ADAMTSL1: variants seen among roughly 807,000 people sequenced by gnomAD.
The protein encoded by ADAMTSL1 is ADAMTS-like protein 1.
Under a neutral mutation model 201.8 loss-of-function variants are expected in ADAMTSL1, and 126 were observed. The observed-to-expected ratio is 0.62, with a 90% CI of 0.54 to 0.72. The LOEUF (loss-of-function observed/expected upper bound fraction) is 0.72, where lower values mean the gene tolerates loss of function less well. Ranked by LOEUF, ADAMTSL1 falls within the 30% of genes least tolerant of loss-of-function variation. The pLI, the probability that ADAMTSL1 is intolerant of heterozygous loss-of-function variation, is 0.00. For missense variants in ADAMTSL1, 2,679 were observed against 2,277.8 expected (o/e 1.18, Z -3.59); for synonymous variants, 1,121 against 903.4 (o/e 1.24, Z -4.32).
intron 2 of ADAMTSL1, among the ~76,000 whole-genome samples, chr9:18,184,794 TA>T (rs1248212542): frequency 6.6e-6 from 1 of 152,222 alleles, no homozygotes; most frequent in African/African-American, 2.4e-5. Flanking sequence ...ATTTCATCCG[TA>T]TATCTAAAAA....
chr9:17,970,439 C>T (rs1245528036), intron 1 of ADAMTSL1, among the ~76,000 whole-genome samples: 2 of 151,980 alleles, frequency 1.3e-5, no homozygotes, highest in Non-Finnish European at 2.9e-5. Context: ...GAAATAGAAG[C>T]ACTTGGGTGT....
At chr9:17,945,705 C>A (rs1176437551) in intron 1 of ADAMTSL1, among the ~76,000 whole-genome samples, 1 of 151,658 alleles carries the variant, frequency 6.6e-6, no homozygotes, top group Admixed American at 6.6e-5. Context: ...TCTCAGTAAA[C>A]TATCGCAAGA....
In ADAMTSL1 at chr9:18,046,723, C is replaced by T. The variant is rs1821676050; in HGVS notation, c.88-117139C>T. On this transcript the variant is annotated intron_variant, in intron 1 of 29. Coordinates refer to the ADAMTSL1 transcript ENST00000680146. ...ACCATTTATTGAATTCTACCTGCTT[C>T]ATTACATTTTATCCTATGTAATCTT... 1.3e-5 allele frequency among the ~76,000 whole-genome samples: 2 copies of T among 152,140 alleles called. 1 individual carries two copies. Among genetic ancestry groups the T allele is most frequent in the African/African-American group, 4.8e-5 (2 of 41,434 alleles).
At chr9:17,992,645 G>A (rs1037559943) in intron 1 of ADAMTSL1, among the ~76,000 whole-genome samples, 2 of 152,084 alleles carry the variant, frequency 1.3e-5, no homozygotes, top group East Asian at 1.9e-4. Context: ...TAAAAGATTA[G>A]CCCTGTGTGG....
At chr9:18,126,422 G>T (rs1825730948) in intron 1 of ADAMTSL1, among the ~76,000 whole-genome samples, 1 of 151,948 alleles carries the variant, frequency 6.6e-6, no homozygotes, top group South Asian at 2.1e-4. Flanking sequence ...TCTATTTAGG[G>T]TCCAATACCT....
intron 6 of ADAMTSL1, among the ~76,000 whole-genome samples, chr9:18,636,539 A>T (rs1361963244): frequency 6.6e-6 from 1 of 152,204 alleles, no homozygotes; most frequent in Non-Finnish European, 1.5e-5. Context: ...AAGAAAATTC[A>T]GGGACCTCAT....
chr9:17,964,273 G>A (rs1173539419), intron 1 of ADAMTSL1, among the ~76,000 whole-genome samples: 1 of 152,084 alleles, frequency 6.6e-6, no homozygotes, highest in Admixed American at 6.6e-5. Flanking sequence ...TGTCATTCCT[G>A]TGTCGTCCTT....
At chr9:18,809,592 C>G (rs1375622383) in intron 20 of ADAMTSL1, among the ~76,000 whole-genome samples, 1 of 152,094 alleles carries the variant, frequency 6.6e-6, no homozygotes, top group Non-Finnish European at 1.5e-5. Flanking sequence ...GAGTTCGAGA[C>G]CAGCCTGACC....
chr9:18,726,624 G>T (rs888861786), intron 15 of ADAMTSL1, among the ~76,000 whole-genome samples: 2 of 152,240 alleles, frequency 1.3e-5, no homozygotes, highest in African/African-American at 4.8e-5. Flanking sequence ...GTGTATGACT[G>T]TTATTAATTA....
chr9:18,331,627 A>G (rs928139574), intron 2 of ADAMTSL1, among the ~76,000 whole-genome samples: 4 of 152,124 alleles, frequency 2.6e-5, no homozygotes, highest in Non-Finnish European at 5.9e-5. Context: ...TGAACTATCC[A>G]TTAGAGCAAT....
chr9:17,958,850 C>T (rs981517927), intron 1 of ADAMTSL1, among the ~76,000 whole-genome samples: 4 of 152,064 alleles, frequency 2.6e-5, no homozygotes, highest in African/African-American at 9.7e-5. Context: ...GAAATGTGGG[C>T]CCATTATAAT....
At chr9:18,186,308 A>T (rs1255273688) in intron 2 of ADAMTSL1, among the ~76,000 whole-genome samples, 2 of 152,088 alleles carry the variant, frequency 1.3e-5, no homozygotes, top group Non-Finnish European at 2.9e-5. Context: ...AAAGCACAAA[A>T]CTTGAAGCAT....
At chr9:18,290,368 G>A (rs745484160) in intron 2 of ADAMTSL1, among the ~76,000 whole-genome samples, 6 of 151,842 alleles carry the variant, frequency 4.0e-5, no homozygotes, top group South Asian at 2.1e-4. Context: ...GTGAGGAGAC[G>A]TGTATTCCCA....
At chr9:18,058,495 A>T (rs1269283639) in intron 1 of ADAMTSL1, among the ~76,000 whole-genome samples, 1 of 152,184 alleles carries the variant, frequency 6.6e-6, no homozygotes, top group Non-Finnish European at 1.5e-5. Flanking sequence ...ATTTCAGAAT[A>T]TCATGCACCA....
intron 2 of ADAMTSL1, among the ~76,000 whole-genome samples, chr9:18,299,013 A>AC (rs1833590488): frequency 2.8e-5 from 4 of 141,182 alleles, no homozygotes; most frequent in African/African-American, 1.0e-4. Flanking sequence ...CTCCGTCTCA[A>AC]AAAAAAAAAA....
At chr9:17,986,859 G>A (rs1337494252) in intron 1 of ADAMTSL1, among the ~76,000 whole-genome samples, 1 of 152,084 alleles carries the variant, frequency 6.6e-6, no homozygotes, top group Non-Finnish European at 1.5e-5. Flanking sequence ...TTTGACACTA[G>A]CACAGTTGGG....
chr9:18,695,396 C>A (rs562037369), intron 13 of ADAMTSL1, among the ~76,000 whole-genome samples: 142 of 152,348 alleles, frequency 9.3e-4, no homozygotes, highest in Non-Finnish European at 1.7e-3. Context: ...TTTTCTACCA[C>A]ATAGGCTGCA....
At chr9:18,629,438 A>G (rs114760222) in intron 5 of ADAMTSL1, among the ~76,000 whole-genome samples, 11 of 152,244 alleles carry the variant, frequency 7.2e-5, no homozygotes, top group African/African-American at 2.6e-4. Flanking sequence ...TGGTTTGCTG[A>G]GAGTTAATAA....
intron 2 of ADAMTSL1, among the ~76,000 whole-genome samples, chr9:18,212,411 T>C (rs974917757): frequency 1.3e-5 from 2 of 152,234 alleles, no homozygotes; most frequent in African/African-American, 4.8e-5. Context: ...GTTCAGCAAA[T>C]GTATTTATGA....
Sources: gnomAD v4.1 joint callset for allele counts (sites outside exome capture counted in the v4.1 genomes callset) on GRCh38, gnomAD v4.1.1 for gene constraint, MANE v1.5 for transcripts, NCBI Gene and HGNC (gene_info 2026-07-23, HGNC 2026-07-21) for gene names.